ROBO1: variants seen among roughly 807,000 people sequenced by gnomAD.
ROBO1 encodes roundabout guidance receptor 1.
A neutral mutation model predicts 195.9 loss-of-function variants in ROBO1; 149 were observed. The observed-to-expected ratio is 0.76, with a 90% CI of 0.67 to 0.87. The LOEUF (loss-of-function observed/expected upper bound fraction) is 0.87, where lower values mean the gene tolerates loss of function less well. Among genes scored for constraint, ROBO1 ranks in the 40% least tolerant of loss-of-function variants. ROBO1 has a pLI of 0.00. For missense variants in ROBO1, 1,933 were observed against 2,068.3 expected, an observed-to-expected ratio of 0.93 and a Z score of 1.27; for synonymous variants, 816 against 733.2, an observed-to-expected ratio of 1.11 and a Z score of -1.82.
chr3:79,687,964 C>A (rs999113601), intron 1 of ROBO1, among the ~76,000 whole-genome samples: 13 of 151,966 alleles, frequency 8.6e-5, no homozygotes, highest in African/African-American at 2.9e-4. Flanking sequence ...AGACTTGGAA[C>A]CAACCCAAAT....
At chr3:79,422,375 C>T (rs1308296937) in intron 2 of ROBO1, among the ~76,000 whole-genome samples, 1 of 151,960 alleles carries the variant, frequency 6.6e-6, no homozygotes, top group Non-Finnish European at 1.5e-5. Context: ...CTTACTAACC[C>T]TAGATTTCAG....
At chr3:79,733,700 G>A (rs1703251188) in intron 1 of ROBO1, among the ~76,000 whole-genome samples, 1 of 152,100 alleles carries the variant, frequency 6.6e-6, no homozygotes, top group Admixed American at 6.5e-5. Flanking sequence ...TCACAATCAT[G>A]GTATAGGAGT....
intron 2 of ROBO1, among the ~76,000 whole-genome samples, chr3:79,510,443 C>T (rs1028605610): frequency 6.6e-6 from 1 of 152,128 alleles, no homozygotes; most frequent in Non-Finnish European, 1.5e-5. Context: ...TCTGGCATTT[C>T]TTCATCGCAC....
chr3:78,929,691 A>G (rs1193651648), intron 4 of ROBO1, among the ~76,000 whole-genome samples: 3 of 151,692 alleles, frequency 2.0e-5, no homozygotes, highest in African/African-American at 7.3e-5. Context: ...TTTTGTAGAG[A>G]CAGGGTTTCA....
At chr3:79,750,610 T>C (rs527397510) in intron 1 of ROBO1, among the ~76,000 whole-genome samples, 2 of 152,300 alleles carry the variant, frequency 1.3e-5, no homozygotes, top group Admixed American at 1.3e-4. Context: ...CTTGTGACAG[T>C]GAATGAATCT....
chr3:79,764,218 G>T (rs193028056), intron 1 of ROBO1, among the ~76,000 whole-genome samples: 1 of 152,336 alleles, frequency 6.6e-6, no homozygotes, highest in African/African-American at 2.4e-5. Context: ...TTTTGAATTA[G>T]TCAGTTAGCC....
At chr3:78,971,242 A>G (rs1401255951) in intron 3 of ROBO1, among the ~76,000 whole-genome samples, 1 of 151,992 alleles carries the variant, frequency 6.6e-6, no homozygotes, top group East Asian at 1.9e-4. Context: ...TACAAAAATG[A>G]GCCAGGCATG....
intron 3 of ROBO1, among the ~76,000 whole-genome samples, chr3:78,967,312 C>CGAA (rs1192063879): frequency 1.3e-5 from 2 of 151,794 alleles, no homozygotes; most frequent in African/African-American, 2.4e-5. Context: ...CCTGGCCATG[C>CGAA]TTTCCCACCT....
intron 1 of ROBO1, among the ~76,000 whole-genome samples, chr3:79,627,801 C>T (rs1386576427): frequency 2.6e-5 from 4 of 151,990 alleles, no homozygotes; most frequent in Non-Finnish European, 5.9e-5. Flanking sequence ...AACAAATTTA[C>T]CAGAAAAAAG....
At chr3:78,708,638 T>A (rs2081608904) in intron 8 of ROBO1, among the ~76,000 whole-genome samples, 1 of 152,192 alleles carries the variant, frequency 6.6e-6, no homozygotes, top group Non-Finnish European at 1.5e-5. Context: ...GCAACCATTC[T>A]TGAATACCAA....
chr3:78,663,553 A>G (rs78729532), intron 14 of ROBO1, among the ~76,000 whole-genome samples: 2,870 of 152,278 alleles, frequency 0.019, 85 homozygotes, highest in African/African-American at 0.064. Flanking sequence ...GGAATGAAAC[A>G]GACTTGGGTT....
At chr3:79,218,584 TAAAGTATTGCATGAA>T (rs2082089941) in intron 2 of ROBO1, among the ~76,000 whole-genome samples, 1 of 152,034 alleles carries the variant, frequency 6.6e-6, no homozygotes, top group African/African-American at 2.4e-5. Flanking sequence ...TGATTGCAAA[TAAAGTATTGCATGAA>T]AGAGTATCAA....
chr3:79,403,955 G>C (rs1220088697), intron 2 of ROBO1, among the ~76,000 whole-genome samples: 1 of 151,980 alleles, frequency 6.6e-6, no homozygotes, highest in Non-Finnish European at 1.5e-5. Flanking sequence ...AGATTACTCA[G>C]AGGCTCATAA....
At chr3:79,448,671 G>A (rs2039347121) in intron 2 of ROBO1, among the ~76,000 whole-genome samples, 2 of 152,084 alleles carry the variant, frequency 1.3e-5, no homozygotes, top group Non-Finnish European at 2.9e-5. Flanking sequence ...GTTGGTATAT[G>A]TAGAGACTTT....
chr3:79,515,033 T>G (rs1940883338), intron 2 of ROBO1, among the ~76,000 whole-genome samples: 1 of 152,164 alleles, frequency 6.6e-6, no homozygotes, highest in Admixed American at 6.5e-5. Context: ...CTTGAGTGTT[T>G]TTGGTTGCAA....
chr3:79,566,689 T>C (rs1391571121), intron 2 of ROBO1, among the ~76,000 whole-genome samples: 1 of 152,144 alleles, frequency 6.6e-6, no homozygotes, highest in African/African-American at 2.4e-5. Context: ...AACAGTGATA[T>C]GCCTGATCAT....
chr3:78,785,492 T>G (rs551226885), intron 4 of ROBO1, among the ~76,000 whole-genome samples: 1 of 152,306 alleles, frequency 6.6e-6, no homozygotes, highest in Admixed American at 6.5e-5. Context: ...GATTTTTCTT[T>G]TTTACTGTTT....
At chr3:79,730,103 T>C (rs1442204990) in intron 1 of ROBO1, among the ~76,000 whole-genome samples, 1 of 152,216 alleles carries the variant, frequency 6.6e-6, no homozygotes, top group South Asian at 2.1e-4. Flanking sequence ...TGTTTCTTCA[T>C]CTACTAGGTG....
intron 1 of ROBO1, among the ~76,000 whole-genome samples, chr3:79,626,180 C>G (rs1213479268): frequency 1.3e-5 from 2 of 152,188 alleles, no homozygotes; most frequent in Non-Finnish European, 2.9e-5. Context: ...GGCATGGTGG[C>G]TCACACCTGT....
Sources: allele counts gnomAD v4.1 joint callset (sites outside exome capture counted in the v4.1 genomes callset), GRCh38; gene constraint gnomAD v4.1.1; transcripts MANE v1.5; gene names NCBI Gene and HGNC (gene_info 2026-07-23, HGNC 2026-07-21).